APLP1: variants seen among roughly 807,000 people sequenced by gnomAD.
The protein encoded by APLP1 is amyloid beta precursor like protein 1.
A neutral mutation model predicts 84.5 loss-of-function variants in APLP1; 46 were observed. The ratio of observed to expected loss-of-function variants is 0.54; its 90% CI spans 0.43 to 0.70. The LOEUF (loss-of-function observed/expected upper bound fraction) is 0.70, where lower values mean the gene tolerates loss of function less well. APLP1 is among the 30% of genes least tolerant of loss of function. The pLI, the probability that APLP1 is intolerant of heterozygous loss-of-function variation, is 0.00. For missense variants in APLP1, 826 were observed against 900.2 expected, an observed-to-expected ratio of 0.92 and a Z score of 1.05; for synonymous variants, 376 against 364.0, an observed-to-expected ratio of 1.03 and a Z score of -0.38.
chr19:35,873,629 C>T lies in APLP1; in HGVS notation c.982-10C>T. On this transcript the variant is annotated splice_polypyrimidine_tract_variant and intron_variant, in intron 7 of 16. Transcript: ENST00000221891. ...GATTCTGGGATCCTGAAGCTCCCCTCCCTATGCAGGTGATGCGTGAATGGG... is the reference window on the plus strand; with the variant it reads ...GATTCTGGGATCCTGAAGCTCCCCTTCCTATGCAGGTGATGCGTGAATGGG... 6.2e-7 allele frequency: 1 copy of T among 1,614,020 alleles called. No individual in the cohort carries two copies. The highest frequency in any genetic ancestry group is 8.5e-7 in the Non-Finnish European group (1 of 1,179,938).
At position 35,871,251 on chromosome 19, in the gene APLP1, AG is replaced by A; in HGVS notation, c.440del (p.Ser147MetfsTer91). On this transcript the variant is annotated frameshift_variant, in exon 4 of 17. Transcript: ENST00000221891. LOFTEE classifies it high-confidence loss of function. The stretch of plus-strand genomic sequence containing the variant: ...TGCTTCCCCAGCTGGTGAATTTGTG[AG>A]TGAGGCCCTGCTGGTGCCTGAAGGC... Reference protein sequence around the residue: ...PFRCLPGEFVSEALLVPEGCR... With the variant: ...PFRCLPGEFVXEALLVPEGCR... 6.2e-7 allele frequency: 1 copy of A among 1,613,354 alleles called. No homozygotes were observed.
chr19:35,877,204 C>T (rs1402690315), intron 11 of APLP1, among the ~76,000 whole-genome samples: 1 of 152,134 alleles, frequency 6.6e-6, no homozygotes, highest in African/African-American at 2.4e-5. Flanking sequence ...AGAAAGCTAT[C>T]ATCTTGAGGC....
Position 35,868,922 on chromosome 19 carries a change from T to A in APLP1, c.147+139T>A. 1 of 689,478 alleles carries A rather than the reference T, an allele frequency of 1.5e-6. No individual in the cohort carries two copies. Among genetic ancestry groups the A allele is most frequent in the Non-Finnish European group, 2.1e-6 (1 of 487,100 alleles). The allele number at this position is 689,478 out of a possible 1,614,324, so 42.7% of individuals were successfully genotyped here. ...CCCCAGGCGCCCCCAATCACATTTA[T>A]GAACCCAGGGTTCCAGGCCCCAGCT... is the stretch of plus-strand genomic sequence containing the variant. On this transcript the variant is annotated intron_variant, in intron 1 of 16. Coordinates refer to ENST00000221891, the MANE Select transcript of APLP1 (RefSeq NM_001024807.3). The surrounding 1 kb of genome is among the most constrained non-coding windows in gnomAD (Gnocchi z 5.2).
chr19:35,872,315 A>G (rs1287831421), intron 6 of APLP1, among the ~76,000 whole-genome samples, 168 bp from the exon 7 acceptor site: 1 of 152,120 alleles, frequency 6.6e-6, no homozygotes, highest in Non-Finnish European at 1.5e-5. Context: ...TAAGCTTTGC[A>G]AGAACAGGCC....
intron 4 of APLP1, 90 bp downstream of exon 4, chr19:35,871,439 G>T: frequency 7.3e-7 from 1 of 1,361,700 alleles, no homozygotes. Context: ...AGGAGTCTGG[G>T]CCACCAGCAT....
intron 3 of APLP1, 48 bp downstream of exon 3, chr19:35,871,076 G>T: frequency 2.7e-6 from 4 of 1,499,320 alleles, no homozygotes; most frequent in Non-Finnish European, 3.6e-6. Flanking sequence ...GTTTCTGAGG[G>T]GCAAGGTTCT....
Position 35,870,926 on chromosome 19 carries a change from G to A in APLP1, c.322G>A (p.Glu108Lys). 6.2e-7 allele frequency: 1 copy of A among 1,603,622 alleles called. No homozygotes were observed. Among genetic ancestry groups the A allele is most frequent in the Non-Finnish European group, 8.5e-7 (1 of 1,176,180 alleles). ...CCCGGAGCTGCAGATTGCACGTGTG[G>A]AGCAGGCTACGCAGGCCATCCCCAT... Reference protein sequence around the residue: ...MYPELQIARVEQATQAIPMER... With the variant: ...MYPELQIARVKQATQAIPMER... The change falls in exon 3 of 17, where the codon GAG becomes AAG. Residue 108 changes from glutamate to lysine, a missense_variant. Coordinates refer to ENST00000221891, the MANE Select transcript of APLP1 (RefSeq NM_001024807.3).
Position 35,868,835 on chromosome 19 carries a change from C to T in APLP1, c.147+52C>T. On this transcript the variant is annotated intron_variant, in intron 1 of 16. Coordinates refer to ENST00000221891, the MANE Select transcript of APLP1 (RefSeq NM_001024807.3). This position sits in a 1 kb window ranked among gnomAD's most constrained non-coding sequence, Gnocchi z 5.2. ...TGGGGGAAGGGGCGGGACCGGGTCT[C>T]TGGACGCCGGCGCGGACATGTCCAG... 1 of 1,252,472 alleles carries T rather than the reference C, an allele frequency of 8.0e-7. No individual in the cohort carries two copies. 77.6% of individuals were successfully genotyped at this position (1,252,472 alleles called of 1,614,324 possible).
chr19:35,876,476 C>G (rs1974283329), intron 10 of APLP1, 41 bp from the exon 11 acceptor site: 1 of 1,541,320 alleles, frequency 6.5e-7, no homozygotes, highest in Non-Finnish European at 9.0e-7. Context: ...CATCTCCAGC[C>G]TGCATTGCGC....
At position 35,879,554 on chromosome 19, in the gene APLP1, C is replaced by T. The variant is rs553620807; in HGVS notation, c.*113C>T. On this transcript the variant is annotated 3_prime_UTR_variant, in exon 17 of 17. Coordinates refer to ENST00000221891, the MANE Select transcript of APLP1 (RefSeq NM_001024807.3). Reference sequence around the variant, plus strand: ...GAGTCTTGAAGTGATCATTTCACACCCTTTTGTGAGACGGCTGGAAATTCT... The same window carrying T: ...GAGTCTTGAAGTGATCATTTCACACTCTTTTGTGAGACGGCTGGAAATTCT... 8 of 837,356 alleles carry T rather than the reference C, an allele frequency of 9.6e-6. No homozygotes were observed. The South Asian group carries it at 1.0e-4, about 11-fold the overall frequency. 51.9% of individuals were successfully genotyped at this position (837,356 alleles called of 1,614,324 possible).
chr19:35,876,519 G>A lies in APLP1; in HGVS notation c.1347G>A (p.Val449=). The A allele has an allele frequency of 6.2e-7, 1 of 1,613,716 alleles. No individual in the cohort carries two copies. The highest frequency in any genetic ancestry group is 1.1e-5 in the South Asian group (1 of 91,074). ...CCTTCATGTCCACTCACCCACAGGT[G>A]CATACCCACCTTCAAGTGATTGAGG... ...PEKAQQMRFQ[V]HTHLQVIEER... Residue 449 remains valine (V), a splice_region_variant and synonymous_variant, in exon 11 of 17, where the codon GTG becomes GTA. Coordinates refer to ENST00000221891, the MANE Select transcript of APLP1 (RefSeq NM_001024807.3).
chr19:35,872,361 C>A, intron 6 of APLP1, 122 bp from the exon 7 acceptor site: 1 of 1,331,676 alleles, frequency 7.5e-7, no homozygotes, highest in Non-Finnish European at 1.0e-6. Context: ...TGCCAGGCAG[C>A]AGCGGTGGCT....
At position 35,869,827 on chromosome 19, in the gene APLP1, G is replaced by C; in HGVS notation, c.291+17G>C. On this transcript the variant is annotated intron_variant, in intron 2 of 16. Transcript: ENST00000221891. Reference sequence around the variant, plus strand: ...TGCAGACAGGTGGGCGGGGCCGAACGGGAGAGGCGGGGCCGCCCATAGAAA... The same window carrying C: ...TGCAGACAGGTGGGCGGGGCCGAACCGGAGAGGCGGGGCCGCCCATAGAAA... 2 of 1,570,338 alleles carry C rather than the reference G, an allele frequency of 1.3e-6. No individual in the cohort carries two copies. Among genetic ancestry groups the C allele is most frequent in the Non-Finnish European group, 1.7e-6 (2 of 1,159,496 alleles).
chr19:35,871,428 GA>G, intron 4 of APLP1, 79 bp downstream of exon 4: 1 of 1,351,038 alleles, frequency 7.4e-7, no homozygotes, highest in Non-Finnish European at 1.0e-6. Flanking sequence ...CACCAGAACC[GA>G]GGAGTCTGGG....
chr19:35,871,672 G>A lies in APLP1; in HGVS notation c.598G>A (p.Asp200Asn). ...GSGMLLPCGS[D>N]RFRGVEYVCC... ...GGGCATGCTCTTACCCTGTGGCTCGGATCGGTTCCGTGGTGTGGAGTATGT... is the reference window on the plus strand; with the variant it reads ...GGGCATGCTCTTACCCTGTGGCTCGAATCGGTTCCGTGGTGTGGAGTATGT... Residue 200 changes from aspartate to asparagine, a missense_variant, in exon 5 of 17, where the codon GAT becomes AAT. Around this residue, in one of 3 missense-constraint regions of APLP1, gnomAD observed 383 missense variants for 378.3 expected, o/e 1.01. Coordinates refer to ENST00000221891, the MANE Select transcript of APLP1 (RefSeq NM_001024807.3). 1.2e-6 allele frequency: 2 copies of A among 1,614,076 alleles called. No homozygotes were observed. Among genetic ancestry groups the A allele is most frequent in the Non-Finnish European group, 8.5e-7 (1 of 1,180,024 alleles).
intron 8 of APLP1, 98 bp downstream of exon 8, chr19:35,873,811 C>G: frequency 9.1e-7 from 1 of 1,102,288 alleles, no homozygotes. Flanking sequence ...TCCAGTTCCA[C>G]CCCTTCCCAC....
chr19:35,869,673 G>T lies in APLP1; in HGVS notation c.154G>T (p.Gly52Trp). The change falls in exon 2 of 17, where the codon GGG (glycine) becomes TGG (tryptophan). Residue 52 changes from glycine to tryptophan, a missense_variant. Gly to Trp is a radical substitution (Grantham distance 184, BLOSUM62 -2). Transcript: ENST00000221891. ...CCTTTCCACTTCCATCCAGGCCCCG[G>T]GGTCGGCCCAGGTGGCTGGACTATG... ...GGSPGAAEAP[G>W]SAQVAGLCGR... 6.2e-7 allele frequency: 1 copy of T among 1,610,014 alleles called. No individual in the cohort carries two copies.
chr19:35,869,868 G>A (rs954005072), intron 2 of APLP1, 58 bp downstream of exon 2: 2 of 1,541,344 alleles, frequency 1.3e-6, no homozygotes, highest in Non-Finnish European at 1.7e-6. Context: ...ACTTGAAAAA[G>A]GCGTGGTCCA....
At chr19:35,872,070 A>AT in intron 6 of APLP1, 34 bp downstream of exon 6, 6 of 1,596,902 alleles carry the variant, frequency 3.8e-6, no homozygotes, top group Non-Finnish European at 5.1e-6. Flanking sequence ...GGGCCTCTCC[A>AT]CCATAGAGGG....
Sources: gnomAD v4.1 joint callset for allele counts (sites outside exome capture counted in the v4.1 genomes callset) on GRCh38, gnomAD v4.1.1 for gene constraint, gnomAD v4.1.1 regional missense constraint, Gnocchi (gnomAD v3.1) non-coding constraint, MANE v1.5 for transcripts, NCBI Gene and HGNC (gene_info 2026-07-23, HGNC 2026-07-21) for gene names.